Variants in EXOC6B observed in about 807,000 individuals in gnomAD.
EXOC6B encodes exocyst complex component 6B, also known as SEC15 homolog B.
A neutral mutation model predicts 113.5 loss-of-function variants in EXOC6B; 54 were observed. The observed-to-expected ratio is 0.48, with a 90% CI of 0.38 to 0.60. The LOEUF (loss-of-function observed/expected upper bound fraction) is 0.60. Among genes scored for constraint, EXOC6B ranks in the 20% least tolerant of loss-of-function variants. The pLI, the probability that EXOC6B is intolerant of heterozygous loss-of-function variation, is 0.00. For synonymous variants in EXOC6B, 357 were observed against 339.0 expected (o/e 1.05, Z -0.58); for missense variants, 797 against 977.5 (o/e 0.82, Z 2.46).
chr2:72,600,598 A>T (rs1420504244), intron 6 of EXOC6B, among the ~76,000 whole-genome samples: 1 of 152,170 alleles, frequency 6.6e-6, no homozygotes, highest in African/African-American at 2.4e-5. Flanking sequence ...AAGAAAATCC[A>T]ATGGAAAGGA....
intron 12 of EXOC6B, among the ~76,000 whole-genome samples, chr2:72,499,011 C>T (rs949488258): frequency 7.2e-5 from 11 of 151,976 alleles, no homozygotes; most frequent in African/African-American, 2.7e-4. Flanking sequence ...ACTCAGCTGC[C>T]ATATATGAAT....
chr2:72,542,652 GTA>G (rs1280693136), intron 8 of EXOC6B, among the ~76,000 whole-genome samples: 1 of 152,092 alleles, frequency 6.6e-6, no homozygotes, highest in African/African-American at 2.4e-5. Context: ...GATCATTTTG[GTA>G]TATGCTGCTG....
chr2:72,627,933 G>C (rs1672159948), intron 6 of EXOC6B, among the ~76,000 whole-genome samples: 1 of 152,018 alleles, frequency 6.6e-6, no homozygotes, highest in Admixed American at 6.6e-5. Flanking sequence ...ATGAATTTTT[G>C]TGAATACATT....
rs924444302 is a variant in EXOC6B at position 72,266,175 on chromosome 2, T to C, written c.2196+68772A>G. 2.6e-5 allele frequency among the ~76,000 whole-genome samples: 4 copies of C among 152,060 alleles called. No individual in the cohort carries two copies. The South Asian group carries it at 8.3e-4, about 32-fold the overall frequency. On this transcript the variant is annotated intron_variant, in intron 20 of 21. Transcript: ENST00000272427. Reference sequence around the variant, plus strand: ...ATTAGCCCTTTGCCAGATGAGTAGGTTGCGAAAATTTTCTCCCATTTTGTA... The same window carrying C: ...ATTAGCCCTTTGCCAGATGAGTAGGCTGCGAAAATTTTCTCCCATTTTGTA...
chr2:72,734,275 G>T (rs1449696507), intron 2 of EXOC6B, among the ~76,000 whole-genome samples: 2 of 152,116 alleles, frequency 1.3e-5, no homozygotes, highest in Non-Finnish European at 2.9e-5. Context: ...CCTCCAGGAA[G>T]CCTCTTTAAA....
chr2:72,474,860 T>A (rs1196683792), intron 17 of EXOC6B, among the ~76,000 whole-genome samples: 3 of 152,180 alleles, frequency 2.0e-5, no homozygotes, highest in Admixed American at 6.5e-5. Flanking sequence ...TATCTGTACA[T>A]CTACTATAAC....
intron 18 of EXOC6B, among the ~76,000 whole-genome samples, chr2:72,435,743 T>C (rs1000291636): frequency 6.6e-6 from 1 of 151,382 alleles, no homozygotes; most frequent in Non-Finnish European, 1.5e-5. Context: ...TTGCTTTCCA[T>C]TTGCTTGGTA....
chr2:72,767,708 G>A (rs1429666686), intron 1 of EXOC6B, among the ~76,000 whole-genome samples: 4 of 148,964 alleles, frequency 2.7e-5, no homozygotes, highest in African/African-American at 9.9e-5. Context: ...AGCTACTCAG[G>A]AGGCTGAGGT....
intron 6 of EXOC6B, among the ~76,000 whole-genome samples, chr2:72,661,999 A>C (rs1675048334): frequency 6.7e-6 from 1 of 150,106 alleles, no homozygotes; most frequent in African/African-American, 2.4e-5. Flanking sequence ...TGTTGGAACA[A>C]TTGGAAAAGA....
intron 5 of EXOC6B, among the ~76,000 whole-genome samples, chr2:72,727,730 T>C (rs1680391964): frequency 1.3e-5 from 2 of 152,252 alleles, no homozygotes; most frequent in Non-Finnish European, 2.9e-5. Flanking sequence ...ATACTGAACT[T>C]AAGAAGGTCT....
chr2:72,653,048 G>A (rs925831411), intron 6 of EXOC6B, among the ~76,000 whole-genome samples: 2 of 151,658 alleles, frequency 1.3e-5, no homozygotes, highest in Non-Finnish European at 2.9e-5. Context: ...TTTCCAGAAA[G>A]CAATATGTTA....
At chr2:72,552,872 TA>T (rs1703320498) in intron 8 of EXOC6B, among the ~76,000 whole-genome samples, 1 of 151,838 alleles carries the variant, frequency 6.6e-6, no homozygotes, top group African/African-American at 2.4e-5. Flanking sequence ...AATAACTAAA[TA>T]AAAATTATTT....
chr2:72,224,198 C>T (rs1681054956), intron 20 of EXOC6B, among the ~76,000 whole-genome samples: 2 of 152,178 alleles, frequency 1.3e-5, no homozygotes, highest in South Asian at 4.1e-4. Context: ...TGCTATTTTA[C>T]ACCTAACGAT....
At chr2:72,523,835 G>A (rs903541339) in intron 8 of EXOC6B, among the ~76,000 whole-genome samples, 3 of 147,082 alleles carry the variant, frequency 2.0e-5, no homozygotes, top group African/African-American at 7.5e-5. Flanking sequence ...TGGCTAAACA[G>A]CTCCTTATCT....
At chr2:72,609,482 G>A (rs917381408) in intron 6 of EXOC6B, among the ~76,000 whole-genome samples, 8 of 150,662 alleles carry the variant, frequency 5.3e-5, no homozygotes, top group African/African-American at 2.0e-4. Context: ...CCCCCTCTGC[G>A]AGAAACACCC....
chr2:72,219,455 G>A (rs1455626883), intron 20 of EXOC6B, among the ~76,000 whole-genome samples: 2 of 152,100 alleles, frequency 1.3e-5, no homozygotes, highest in African/African-American at 4.8e-5. Context: ...TAAGTCTTAT[G>A]TCAAGATTAG....
chr2:72,401,542 T>TGAAA (rs1693211310), intron 18 of EXOC6B, among the ~76,000 whole-genome samples: 2 of 16,302 alleles, frequency 1.2e-4, no homozygotes, highest in Non-Finnish European at 2.0e-4. Flanking sequence ...TATATATATA[T>TGAAA]ATGTGTATAT....
intron 1 of EXOC6B, among the ~76,000 whole-genome samples, chr2:72,819,833 A>C (rs1686485862): frequency 6.6e-6 from 1 of 152,194 alleles, no homozygotes; most frequent in African/African-American, 2.4e-5. Flanking sequence ...GGTACCTTGC[A>C]TTGTACCATG....
intron 18 of EXOC6B, among the ~76,000 whole-genome samples, chr2:72,431,869 C>T (rs1695554198): frequency 6.6e-6 from 1 of 152,016 alleles, no homozygotes; most frequent in Non-Finnish European, 1.5e-5. Context: ...CACTGTTATA[C>T]TCCCACTTAT....
Sources: gnomAD v4.1 joint callset for allele counts (sites outside exome capture counted in the v4.1 genomes callset) on GRCh38, gnomAD v4.1.1 for gene constraint, MANE v1.5 for transcripts, NCBI Gene and HGNC (gene_info 2026-07-23, HGNC 2026-07-21) for gene names.